SLC24A2: variants seen among roughly 807,000 people sequenced by gnomAD.
The protein encoded by SLC24A2 is solute carrier family 24 member 2.
A neutral mutation model predicts 62.0 loss-of-function variants in SLC24A2; 36 were observed. The ratio of observed to expected loss-of-function variants is 0.58; its 90% CI spans 0.44 to 0.77. The LOEUF (loss-of-function observed/expected upper bound fraction) is 0.77, where lower values mean the gene tolerates loss of function less well. Ranked by LOEUF, SLC24A2 falls within the 30% of genes least tolerant of loss-of-function variation. The probability of loss-of-function intolerance (pLI) is 0.00; values close to 1 mark genes in which losing one functional copy is unlikely to be tolerated. For missense variants in SLC24A2, 846 were observed against 817.9 expected (o/e 1.03, Z -0.42); for synonymous variants, 358 against 294.0 (o/e 1.22, Z -2.23).
At chr9:19,578,216 A>AC (rs1563979001) in intron 5 of SLC24A2, among the ~76,000 whole-genome samples, 1 of 152,032 alleles carries the variant, frequency 6.6e-6, no homozygotes, top group Non-Finnish European at 1.5e-5. Flanking sequence ...TACCACCTGT[A>AC]CCCCAATAAC....
chr9:19,578,155 T>C (rs1345624365), intron 5 of SLC24A2, among the ~76,000 whole-genome samples: 5 of 151,644 alleles, frequency 3.3e-5, no homozygotes, highest in African/African-American at 7.3e-5. Context: ...GGTTGATGGG[T>C]ACACCAAAAT....
chr9:19,758,483 A>T (rs977693218), intron 2 of SLC24A2, among the ~76,000 whole-genome samples: 1 of 152,346 alleles, frequency 6.6e-6, no homozygotes. Flanking sequence ...GGACTATTCT[A>T]CACAAATTCT....
chr9:20,109,874 G>A, the SLC24A2 span, among the ~76,000 whole-genome samples: 1 of 152,094 alleles, frequency 6.6e-6, no homozygotes, highest in Non-Finnish European at 1.5e-5. Flanking sequence ...TCAGTCATAT[G>A]GGATGCCACT....
At chr9:19,985,422 C>T in the SLC24A2 span, among the ~76,000 whole-genome samples, 1 of 152,126 alleles carries the variant, frequency 6.6e-6, no homozygotes, top group Non-Finnish European at 1.5e-5. Context: ...AAATGAATTA[C>T]TGATACATAT....
At chr9:19,636,340 TTTC>T (rs1818341911) in intron 2 of SLC24A2, among the ~76,000 whole-genome samples, 1 of 35,436 alleles carries the variant, frequency 2.8e-5, no homozygotes, top group African/African-American at 1.4e-4. Flanking sequence ...TCTTTCTTTC[TTTC>T]TTTCTTTCTT....
At chr9:20,280,172 A>T in the SLC24A2 span, among the ~76,000 whole-genome samples, 3 of 152,194 alleles carry the variant, frequency 2.0e-5, no homozygotes, top group Admixed American at 2.0e-4. Flanking sequence ...GGAGCAAAAA[A>T]GCTGAATGGG....
the SLC24A2 span, among the ~76,000 whole-genome samples, chr9:20,091,467 T>C: frequency 1.3e-5 from 2 of 151,968 alleles, no homozygotes; most frequent in Non-Finnish European, 2.9e-5. Flanking sequence ...CCAAGTCACC[T>C]ATAAAGGAAA....
the SLC24A2 span, among the ~76,000 whole-genome samples, chr9:20,289,785 C>G: frequency 6.6e-6 from 1 of 152,262 alleles, no homozygotes; most frequent in Admixed American, 6.5e-5. Context: ...GGATGCCACA[C>G]TTAGGGCTTA....
the SLC24A2 span, among the ~76,000 whole-genome samples, chr9:20,243,737 G>C: frequency 6.6e-6 from 1 of 152,158 alleles, no homozygotes; most frequent in African/African-American, 2.4e-5. Context: ...CAAATGAGAT[G>C]TGGTCAATGG....
chr9:19,812,412 C>T, the SLC24A2 span, among the ~76,000 whole-genome samples: 2 of 152,102 alleles, frequency 1.3e-5, no homozygotes, highest in African/African-American at 4.8e-5. Flanking sequence ...CTATCTTCTA[C>T]TTCACTAATG....
chr9:20,046,882 C>G, the SLC24A2 span, among the ~76,000 whole-genome samples: 37,540 of 152,104 alleles, frequency 0.25, 4,899 homozygotes, highest in Middle Eastern at 0.33. Flanking sequence ...CCAGGTACTG[C>G]TTCTTTCTAT....
At chr9:19,527,056 G>A (rs1481538830) in intron 9 of SLC24A2, among the ~76,000 whole-genome samples, 1 of 151,950 alleles carries the variant, frequency 6.6e-6, no homozygotes, top group African/African-American at 2.4e-5. Context: ...TATTTATTTT[G>A]GCATATGGAA....
Position 19,745,993 on chromosome 9 carries a change from T to A in SLC24A2, c.930+39944A>T, listed in dbSNP as rs146354364. ...TTCTACTTGTAAGAGTCTAATACAT[T>A]AGTTGAAGAAATGCTGGAAAATACA... On this transcript the variant is annotated intron_variant, in intron 2 of 10. Coordinates refer to ENST00000341998, the MANE Select transcript of SLC24A2 (RefSeq NM_020344.4). Among the ~76,000 whole-genome samples the A allele has an allele frequency of 4.5e-3, 691 of 152,214 alleles. 4 individuals carry two copies. The highest frequency in any genetic ancestry group is 0.013 in the South Asian group (65 of 4,820).
the SLC24A2 span, among the ~76,000 whole-genome samples, chr9:20,131,496 GCC>G: frequency 2.4e-4 from 36 of 152,152 alleles, no homozygotes; most frequent in Non-Finnish European, 4.4e-5. Context: ...AAAGGAAGAT[GCC>G]CCACACAGAT....
chr9:19,964,378 T>C, the SLC24A2 span, among the ~76,000 whole-genome samples: 7 of 151,878 alleles, frequency 4.6e-5, no homozygotes, highest in African/African-American at 1.7e-4. Flanking sequence ...ATAATAATAA[T>C]AATAATAAAA....
intron 2 of SLC24A2, among the ~76,000 whole-genome samples, chr9:19,695,549 T>C (rs1336387869): frequency 6.6e-6 from 1 of 152,078 alleles, no homozygotes; most frequent in Non-Finnish European, 1.5e-5. Flanking sequence ...TGGCAATATC[T>C]AGCAAACTTG....
intron 10 of SLC24A2, among the ~76,000 whole-genome samples, chr9:19,519,859 A>G (rs368540101): frequency 3.3e-5 from 5 of 152,070 alleles, no homozygotes; most frequent in African/African-American, 7.3e-5. Context: ...GACAGTGAAT[A>G]CTCACAGCAG....
chr9:19,730,627 A>G (rs1821307753), intron 2 of SLC24A2, among the ~76,000 whole-genome samples: 1 of 152,164 alleles, frequency 6.6e-6, no homozygotes, highest in African/African-American at 2.4e-5. Flanking sequence ...AGAATTTTAT[A>G]TCTAGTTTAA....
chr9:19,802,340 G>A, the SLC24A2 span, among the ~76,000 whole-genome samples: 1 of 152,158 alleles, frequency 6.6e-6, no homozygotes, highest in African/African-American at 2.4e-5. Context: ...TAGCTACTGT[G>A]TTGTAAATCT....
Sources: gnomAD v4.1 joint callset for allele counts (sites outside exome capture counted in the v4.1 genomes callset) on GRCh38, gnomAD v4.1.1 for gene constraint, MANE v1.5 for transcripts, NCBI Gene and HGNC (gene_info 2026-07-23, HGNC 2026-07-21) for gene names.